Variants in DNAI7 observed in about 807,000 individuals in gnomAD.
DNAI7 encodes the protein dynein axonemal intermediate chain 7.
In DNAI7, 78 loss-of-function variants were observed where a neutral mutation model predicts 86.6. The ratio of observed to expected loss-of-function variants is 0.90; its 90% CI spans 0.75 to 1.09. DNAI7 has a LOEUF of 1.09. Among genes scored for constraint, DNAI7 ranks in the 50% least tolerant of loss-of-function variants. DNAI7 has a pLI of 0.00. For synonymous variants in DNAI7, 274 were observed against 273.0 expected, an observed-to-expected ratio of 1.00 and a Z score of -0.04; for missense variants, 753 against 810.2, an observed-to-expected ratio of 0.93 and a Z score of 0.86.
chr12:25,116,647 G>A (rs190253845), intron 12 of DNAI7, among the ~76,000 whole-genome samples: 6 of 152,196 alleles, frequency 3.9e-5, no homozygotes, highest in African/African-American at 1.2e-4. Context: ...TTACAGGCAC[G>A]TGACACCACG....
At chr12:25,116,076 ATTTC>A (rs1940018192) in intron 12 of DNAI7, among the ~76,000 whole-genome samples, 1 of 130,190 alleles carries the variant, frequency 7.7e-6, no homozygotes, top group South Asian at 2.6e-4. Flanking sequence ...TTATCTCTGT[ATTTC>A]TTTCTTTTTT....
chr12:25,110,193 A>C lies in DNAI7; in HGVS notation c.1827T>G (p.Ser609Arg). The change falls in exon 15 of 16, where the codon AGT (serine) becomes AGG (arginine). Residue 609 changes from serine to arginine, a missense_variant. Physicochemically the swap from Ser to Arg is moderately radical, Grantham distance 110. Coordinates refer to ENST00000395987, the MANE Select transcript of DNAI7 (RefSeq NM_018272.5). Reference sequence around the variant, plus strand: ...TGCTCCAACCAAATGCAAAAGCAGAACTTAGTAGGGCCATCTGTCGATAAG... The same window carrying C: ...TGCTCCAACCAAATGCAAAAGCAGACCTTAGTAGGGCCATCTGTCGATAAG... ...VKAYRQMALL[S>R]SAFAFGWSKW... 6.2e-7 allele frequency: 1 copy of C among 1,612,902 alleles called. No homozygotes were observed.
Position 25,114,722 on chromosome 12 carries a change from TG to T in DNAI7, c.1544del (p.Pro515HisfsTer4). Reference protein sequence around the residue: ...NMPYQSWELRPLDVNKVLLTV... With the variant: ...NMPYQSWELRXLDVNKVLLTV... ...TTAAAAGTACTTTATTTACATCAAG[TG>T]GTCTTAGTTCCCATGACTGGTACGG... On this transcript the variant is annotated frameshift_variant, in exon 13 of 16. Transcript: ENST00000395987. LOFTEE classifies it high-confidence loss of function. The T allele has an allele frequency of 1.2e-5, 19 of 1,613,966 alleles. No individual in the cohort carries two copies. Among genetic ancestry groups the T allele is most frequent in the Non-Finnish European group, 1.6e-5 (19 of 1,179,844 alleles).
chr12:25,146,882 C>A, intron 8 of DNAI7, 119 bp downstream of exon 8: 1 of 601,742 alleles, frequency 1.7e-6, no homozygotes, highest in East Asian at 2.9e-5. Context: ...GGCTAACTTC[C>A]TGAAATGGGC....
intron 2 of DNAI7, among the ~76,000 whole-genome samples, chr12:25,182,553 G>C (rs1293150838): frequency 6.9e-6 from 1 of 144,114 alleles, no homozygotes; most frequent in Admixed American, 6.9e-5. Context: ...AGGCTGCAGT[G>C]AGCTGTGATC....
chr12:25,194,118 C>A (rs961454639), intron 1 of DNAI7, among the ~76,000 whole-genome samples: 1 of 151,600 alleles, frequency 6.6e-6, no homozygotes, highest in Non-Finnish European at 1.5e-5. Flanking sequence ...CCGCGCCAGG[C>A]CTCCACTCCC....
chr12:25,110,813 T>A lies in DNAI7; in HGVS notation c.1780-573A>T, dbSNP rs1019211903. On this transcript the variant is annotated intron_variant, in intron 14 of 15. Coordinates refer to ENST00000395987, the MANE Select transcript of DNAI7 (RefSeq NM_018272.5). ...TTAACATACTAATCATTTATTTTTT[T>A]AAATGTTTTCCTTCGACTGTGAAAG... Among the ~76,000 whole-genome samples, 17 of 152,324 alleles carry A rather than the reference T, an allele frequency of 1.1e-4. No individual in the cohort carries two copies. In the East Asian group the frequency reaches 2.5e-3, roughly 22 times the overall value.
chr12:25,159,958 G>A (rs1310601351), intron 3 of DNAI7, among the ~76,000 whole-genome samples: 2 of 152,156 alleles, frequency 1.3e-5, no homozygotes, highest in East Asian at 1.9e-4. Context: ...AATAAAATTA[G>A]TATTTTAAAT....
intron 4 of DNAI7, among the ~76,000 whole-genome samples, chr12:25,157,081 G>T (rs1946262473): frequency 1.3e-5 from 2 of 152,046 alleles, no homozygotes; most frequent in East Asian, 1.9e-4. Flanking sequence ...GAGGTCAGGT[G>T]ATTGAGACCA....
chr12:25,178,057 G>C (rs1011938820), intron 2 of DNAI7, among the ~76,000 whole-genome samples: 3 of 152,026 alleles, frequency 2.0e-5, no homozygotes, highest in Non-Finnish European at 4.4e-5. Flanking sequence ...TTTTGTATTT[G>C]TGTCATGAAT....
downstream of DNAI7, chr12:25,107,692 T>C (rs1023446249): frequency 3.7e-5 from 30 of 813,054 alleles, no homozygotes; most frequent in Non-Finnish European, 5.1e-5. Context: ...TAAATCATAA[T>C]ATGTAGATTA....
chr12:25,115,835 T>C (rs1416775434), intron 12 of DNAI7, among the ~76,000 whole-genome samples: 1 of 152,222 alleles, frequency 6.6e-6, no homozygotes, highest in Non-Finnish European at 1.5e-5. Flanking sequence ...ACTGAAAACA[T>C]GTCCACACAG....
chr12:25,114,613 A>T, intron 13 of DNAI7, 43 bp downstream of exon 13: 1 of 1,320,252 alleles, frequency 7.6e-7, no homozygotes, highest in Non-Finnish European at 1.1e-6. Context: ...AAAATGGTTT[A>T]CCTCTGATAC....
At chr12:25,171,491 G>C (rs112596470) in intron 2 of DNAI7, among the ~76,000 whole-genome samples, 3,056 of 151,462 alleles carry the variant, frequency 0.02, 83 homozygotes, top group African/African-American at 0.07. Flanking sequence ...AAAATTACCA[G>C]AAAAAAAAGT....
At chr12:25,158,771 G>A in intron 3 of DNAI7, 1 of 1,160,448 alleles carries the variant, frequency 8.6e-7, no homozygotes, top group Non-Finnish European at 1.2e-6. Context: ...CCATCAAAAA[G>A]TGGGCAAAGG....
In DNAI7 at chr12:25,184,241, C is replaced by T. The variant is rs545324833; in HGVS notation, c.21+6373G>A. ...AATTTTAGAACATTTTTCATCACCC[C>T]GAAATAGAAATCTTATACTCATTAG... On this transcript the variant is annotated intron_variant, in intron 2 of 15. Coordinates refer to ENST00000395987, the MANE Select transcript of DNAI7 (RefSeq NM_018272.5). 1.3e-4 allele frequency among the ~76,000 whole-genome samples: 20 copies of T among 152,244 alleles called. 1 individual carries two copies. The South Asian group carries it at 4.1e-3, about 32-fold the overall frequency.
intron 7 of DNAI7, among the ~76,000 whole-genome samples, chr12:25,148,437 C>G (rs1295282184): frequency 6.6e-6 from 1 of 152,188 alleles, no homozygotes; most frequent in Admixed American, 6.5e-5. Flanking sequence ...TACATTTTCC[C>G]CAATCTGAGG....
intron 9 of DNAI7, among the ~76,000 whole-genome samples, chr12:25,135,188 C>T (rs185189904): frequency 1.3e-4 from 20 of 152,350 alleles, no homozygotes; most frequent in African/African-American, 3.8e-4. Context: ...CCTCCAAACA[C>T]ACATCCTCAC....
chr12:25,154,749 T>C (rs943354972), intron 5 of DNAI7, among the ~76,000 whole-genome samples: 2 of 152,228 alleles, frequency 1.3e-5, no homozygotes, highest in Non-Finnish European at 2.9e-5. Flanking sequence ...TCTCTAATCA[T>C]AGAGCTGCTT....
Sources: gnomAD v4.1 joint callset for allele counts (sites outside exome capture counted in the v4.1 genomes callset) on GRCh38, gnomAD v4.1.1 for gene constraint, MANE v1.5 for transcripts, NCBI Gene and HGNC (gene_info 2026-07-23, HGNC 2026-07-21) for gene names.